The following ARHGAP26 variants were observed in gnomAD, a reference collection of about 807,000 sequenced individuals.
ARHGAP26 encodes the protein Rho GTPase activating protein 26, also known as rho GTPase-activating protein 26.
A neutral mutation model predicts 104.8 loss-of-function variants in ARHGAP26; 38 were observed. That is an observed-to-expected ratio of 0.36 (90% CI 0.28 to 0.48). The LOEUF is 0.48. Ranked by LOEUF, ARHGAP26 falls within the 20% of genes least tolerant of loss-of-function variation. ARHGAP26 has a pLI of 0.99. For synonymous variants in ARHGAP26, 341 were observed against 340.0 expected (o/e 1.00, Z -0.03); for missense variants, 704 against 947.9 (o/e 0.74, Z 3.38).
At chr5:142,950,620 C>T (rs748602517) in intron 11 of ARHGAP26, among the ~76,000 whole-genome samples, 1 of 151,940 alleles carries the variant, frequency 6.6e-6, no homozygotes, top group Non-Finnish European at 1.5e-5. Context: ...ACAGCGACAC[C>T]CAATTTGAGT....
chr5:142,969,345 C>T (rs916279699), intron 11 of ARHGAP26: 6 of 152,304 alleles, frequency 3.9e-5, no homozygotes, highest in Middle Eastern at 3.4e-3. Context: ...TGTGATGAGA[C>T]CTTTATAGTT....
chr5:142,991,416 A>C (rs1193970162), intron 11 of ARHGAP26, among the ~76,000 whole-genome samples: 6 of 152,178 alleles, frequency 3.9e-5, no homozygotes, highest in Middle Eastern at 3.4e-3. Flanking sequence ...CTTCCCAGGT[A>C]AGGTGATGCC....
intron 11 of ARHGAP26, among the ~76,000 whole-genome samples, chr5:142,996,819 C>G (rs1776472208): frequency 1.3e-5 from 2 of 151,976 alleles, no homozygotes; most frequent in African/African-American, 4.8e-5. Flanking sequence ...GGCATTGTTG[C>G]AGCTATGGGA....
chr5:142,826,833 C>T (rs1767392371), intron 1 of ARHGAP26, among the ~76,000 whole-genome samples: 1 of 152,206 alleles, frequency 6.6e-6, no homozygotes, highest in African/African-American at 2.4e-5. Flanking sequence ...CTTTTAAATA[C>T]TTGATAAAAA....
At chr5:143,174,134 C>T (rs1438070875) in intron 20 of ARHGAP26, among the ~76,000 whole-genome samples, 1 of 152,188 alleles carries the variant, frequency 6.6e-6, no homozygotes, top group African/African-American at 2.4e-5. Flanking sequence ...CATTCAGTGC[C>T]TCTTCTGTTT....
At chr5:143,097,186 A>G (rs1363272923) in intron 17 of ARHGAP26, among the ~76,000 whole-genome samples, 1 of 151,920 alleles carries the variant, frequency 6.6e-6, no homozygotes, top group African/African-American at 2.4e-5. Flanking sequence ...TAAAAATACA[A>G]AAATTAGCTG....
Position 142,863,491 on chromosome 5 carries a change from G to A in ARHGAP26, c.155-9909G>A, listed in dbSNP as rs114002840. Among the ~76,000 whole-genome samples the A allele has an allele frequency of 5.3e-3, 801 of 152,310 alleles. 6 individuals are homozygous for A. The highest frequency in any genetic ancestry group is 0.018 in the African/African-American group (753 of 41,562). On this transcript the variant is annotated intron_variant, in intron 1 of 22. Transcript: ENST00000645722. ...AGTTGGTGGCTGCACAAGGAGACACGCCATTTCTGGTTCTTTTTCTGGGTT... is the reference window on the plus strand; with the variant it reads ...AGTTGGTGGCTGCACAAGGAGACACACCATTTCTGGTTCTTTTTCTGGGTT...
In ARHGAP26 at chr5:143,227,824, T is replaced by TTA. The variant is rs1811784749; in HGVS notation, c.*5379_*5380insAT. The TTA allele has an allele frequency of 1.3e-5, 3 of 223,088 alleles. No individual in the cohort carries two copies. In the South Asian group the frequency reaches 5.5e-4, roughly 41 times the overall value. 13.8% of individuals were successfully genotyped at this position (223,088 alleles called of 1,614,324 possible). ...ACCATCCTAAGGAGCTTTGGATACTTTTTTAGAAGGATAAATATTATGCTT... is the reference window on the plus strand; with the variant it reads ...ACCATCCTAAGGAGCTTTGGATACTTTATTTTAGAAGGATAAATATTATGCTT... On this transcript the variant is annotated 3_prime_UTR_variant, in exon 23 of 23. Transcript: ENST00000645722.
chr5:142,771,505 A>G (rs1755193433), intron 1 of ARHGAP26: 1 of 950,222 alleles, frequency 1.1e-6, no homozygotes, highest in Admixed American at 4.3e-5. Context: ...TAAATCTGGA[A>G]TCAGTACGTG....
chr5:143,149,433 C>T (rs1343964619), intron 20 of ARHGAP26, among the ~76,000 whole-genome samples: 1 of 152,106 alleles, frequency 6.6e-6, no homozygotes, highest in Admixed American at 6.6e-5. Context: ...CAAAGTCCCC[C>T]ATAAGCTCTG....
At chr5:142,795,070 A>G (rs776463658) in intron 1 of ARHGAP26, among the ~76,000 whole-genome samples, 9 of 152,108 alleles carry the variant, frequency 5.9e-5, no homozygotes, top group Non-Finnish European at 1.2e-4. Flanking sequence ...AAAAATTTAT[A>G]GCCCTTTAAT....
At chr5:143,213,276 A>G (rs1809799094) in intron 21 of ARHGAP26, among the ~76,000 whole-genome samples, 1 of 152,186 alleles carries the variant, frequency 6.6e-6, no homozygotes, top group South Asian at 2.1e-4. Context: ...CATTCAACGG[A>G]CATGAGAAAA....
chr5:142,884,435 A>G (rs2152400858), intron 4 of ARHGAP26, among the ~76,000 whole-genome samples: 1 of 152,364 alleles, frequency 6.6e-6, no homozygotes, highest in African/African-American at 2.4e-5. Flanking sequence ...AGACAATAAT[A>G]CGGCTAATAA....
chr5:143,025,340 G>C (rs1780898525), intron 12 of ARHGAP26, among the ~76,000 whole-genome samples: 1 of 152,172 alleles, frequency 6.6e-6, no homozygotes, highest in African/African-American at 2.4e-5. Flanking sequence ...CGCTGCCTCA[G>C]AGTTTGTTGT....
Position 143,041,383 on chromosome 5 carries a change from C to G in ARHGAP26, c.1211-433C>G, listed in dbSNP as rs575198646. 1.8e-5 allele frequency: 3 copies of G among 167,842 alleles called. No individual in the cohort carries two copies. In the East Asian group the frequency reaches 5.7e-4, roughly 32 times the overall value. The allele number at this position is 167,842 out of a possible 1,614,324, so 10.4% of individuals were successfully genotyped here. A position where few individuals can be genotyped will look rare whatever the true frequency, so the allele number is the denominator to read the frequency against. On this transcript the variant is annotated intron_variant, in intron 13 of 22. Coordinates refer to ENST00000645722, the MANE Select transcript of ARHGAP26 (RefSeq NM_001135608.3). ...TAAAATTAAAAACATTCTTACACCT[C>G]CGTATTTTCATTTTTTGTGTAAAAA...
intron 12 of ARHGAP26, among the ~76,000 whole-genome samples, chr5:143,017,769 G>A (rs1157969281): frequency 6.6e-6 from 1 of 152,134 alleles, no homozygotes; most frequent in African/African-American, 2.4e-5. Context: ...TTGTAGAGAT[G>A]TACTCCATCT....
intron 21 of ARHGAP26, among the ~76,000 whole-genome samples, chr5:143,211,427 T>C (rs746519503): frequency 7.9e-5 from 12 of 152,160 alleles, no homozygotes; most frequent in Non-Finnish European, 1.8e-4. Flanking sequence ...AAAGCACCTC[T>C]TCTGTCATTT....
At chr5:142,806,963 C>CTG (rs1480759510) in intron 1 of ARHGAP26, among the ~76,000 whole-genome samples, 1 of 152,226 alleles carries the variant, frequency 6.6e-6, no homozygotes, top group African/African-American at 2.4e-5. Context: ...AACAGCAGCA[C>CTG]TGGATCCAAA....
At chr5:142,893,587 G>A (rs896700893) in intron 5 of ARHGAP26, among the ~76,000 whole-genome samples, 10 of 152,142 alleles carry the variant, frequency 6.6e-5, no homozygotes, top group African/African-American at 2.2e-4. Flanking sequence ...TTGATATAGT[G>A]ATTTCCTTTT....
Sources: gnomAD v4.1 joint callset for allele counts (sites outside exome capture counted in the v4.1 genomes callset) on GRCh38, gnomAD v4.1.1 for gene constraint, MANE v1.5 for transcripts, NCBI Gene and HGNC (gene_info 2026-07-23, HGNC 2026-07-21) for gene names.